SLC25A44: variants seen among roughly 807,000 people sequenced by gnomAD.
SLC25A44 encodes solute carrier family 25 member 44, also known as solute carrier family 25, member 44.
A neutral mutation model predicts 29.9 loss-of-function variants in SLC25A44; 17 were observed. The ratio of observed to expected loss-of-function variants is 0.57; its 90% CI spans 0.39 to 0.85. SLC25A44 has a LOEUF of 0.85. SLC25A44 is among the 40% of genes least tolerant of loss of function. SLC25A44 has a pLI of 0.00. For synonymous variants in SLC25A44, 140 were observed against 151.8 expected (o/e 0.92, Z 0.57); for missense variants, 302 against 398.4 (o/e 0.76, Z 2.06).
rs754531222 is a variant in SLC25A44, at chr1:156,200,141, G to A, written c.294G>A (p.Arg98=). ...QCYVTTYELT[R]KFVADYSQSN... is the part of the protein sequence containing the mutation. The stretch of plus-strand genomic sequence containing the variant: ...ATGTCACCACTTATGAGCTCACCCG[G>A]AAGTTTGTAGCTGACTACAGCCAGA... The change falls in exon 2 of 4, where the codon CGG becomes CGA. Residue 98 remains arginine (R), a synonymous_variant. Transcript: ENST00000359511. 1 of 1,614,146 alleles carries A rather than the reference G, an allele frequency of 6.2e-7. No individual in the cohort carries two copies. Among genetic ancestry groups the A allele is most frequent in the Admixed American group, 1.7e-5 (1 of 60,014 alleles).
At chr1:156,205,081 T>C (rs1656846548) in intron 2 of SLC25A44, among the ~76,000 whole-genome samples, 1 of 151,918 alleles carries the variant, frequency 6.6e-6, no homozygotes, top group Non-Finnish European at 1.5e-5. Flanking sequence ...TTCGCTCTTG[T>C]TGCCCAGGCT....
intron 2 of SLC25A44, among the ~76,000 whole-genome samples, chr1:156,206,795 A>G (rs1376045323): frequency 1.3e-5 from 2 of 152,194 alleles, no homozygotes; most frequent in African/African-American, 4.8e-5. Context: ...GGCCTCCCAA[A>G]GTGCTAGGAT....
Position 156,211,608 on chromosome 1 carries a change from A to G in SLC25A44, c.*1177A>G, listed in dbSNP as rs1391405609. ...CCCAGTCATGGTACCCTGTGGAGGA[A>G]TGCTGGAAGAACATAAAGAGCAGTT... is the stretch of plus-strand genomic sequence containing the variant. On this transcript the variant is annotated 3_prime_UTR_variant, in exon 4 of 4. Transcript: ENST00000359511. 1.3e-5 allele frequency: 2 copies of G among 152,618 alleles called. No homozygotes were observed. Among genetic ancestry groups the G allele is most frequent in the Non-Finnish European group, 2.9e-5 (2 of 68,054 alleles). 9.5% of individuals were successfully genotyped at this position (152,618 alleles called of 1,614,324 possible). A position where few individuals can be genotyped will look rare whatever the true frequency, so the allele number is the denominator to read the frequency against.
In SLC25A44 at chr1:156,207,943, C is replaced by G; in HGVS notation, c.683C>G (p.Ser228Trp). 1 of 1,614,046 alleles carries G rather than the reference C, an allele frequency of 6.2e-7. No individual in the cohort carries two copies. The highest frequency in any genetic ancestry group is 1.1e-5 in the South Asian group (1 of 91,084). The change falls in exon 3 of 4, where the codon TCG (serine) becomes TGG (tryptophan). Residue 228 changes from serine to tryptophan, a missense_variant. Transcript: ENST00000359511. Reference protein sequence around the residue: ...ECPHIVFQAVSGPLAAATASI... With the variant: ...ECPHIVFQAVWGPLAAATASI... ...CCTCACATTGTCTTTCAAGCTGTCT[C>G]GGGGCCCCTGGCTGCAGCCACTGCC...
At chr1:156,206,363 G>A (rs1402461222) in intron 2 of SLC25A44, among the ~76,000 whole-genome samples, 4 of 151,080 alleles carry the variant, frequency 2.6e-5, no homozygotes, top group Admixed American at 1.3e-4. Flanking sequence ...TCAGCCTCCC[G>A]AATAGCTGGG....
At chr1:156,202,315 T>C (rs1317225226) in intron 2 of SLC25A44, among the ~76,000 whole-genome samples, 1 of 152,230 alleles carries the variant, frequency 6.6e-6, no homozygotes, top group South Asian at 2.1e-4. Context: ...ACATCTCTAA[T>C]GGACTGACCT....
rs774825727 is a variant in SLC25A44 at position 156,200,494 on chromosome 1, G to T, written c.625+22G>T. 3.2e-6 allele frequency: 5 copies of T among 1,562,346 alleles called. No homozygotes were observed. In the African/African-American group the frequency reaches 4.1e-5, roughly 13 times the overall value. On this transcript the variant is annotated intron_variant, in intron 2 of 3. Transcript: ENST00000359511. ...GCAGGTAAGCAGGGGCCAGGACAGT[G>T]GGGGAGGAAGGTGGGATTTCTAATG... is the stretch of plus-strand genomic sequence containing the variant.
intron 1 of SLC25A44, chr1:156,196,758 C>G (rs1241631446): frequency 6.6e-6 from 1 of 152,234 alleles, no homozygotes; most frequent in Non-Finnish European, 1.5e-5. Context: ...CTTGGTTTCT[C>G]TGGAACAGAG....
At position 156,211,800 on chromosome 1, in the gene SLC25A44, TCA is replaced by T. The variant is rs946848422; in HGVS notation, c.*1370_*1371del. Reference sequence around the variant, plus strand: ...AGGTGCAGCAAATAGAGAAGGCATGTCAAACCCTGCATTTCTACCTGAGACGT... The same window carrying T: ...AGGTGCAGCAAATAGAGAAGGCATGTAACCCTGCATTTCTACCTGAGACGT... On this transcript the variant is annotated 3_prime_UTR_variant, in exon 4 of 4. Coordinates refer to ENST00000359511, the MANE Select transcript of SLC25A44 (RefSeq NM_014655.4). The T allele has an allele frequency of 3.3e-5, 5 of 150,194 alleles. No individual in the cohort carries two copies. Among genetic ancestry groups the T allele is most frequent in the African/African-American group, 7.3e-5 (3 of 41,094 alleles). The allele number at this position is 150,194 out of a possible 1,614,324, so 9.3% of individuals were successfully genotyped here. A position where few individuals can be genotyped will look rare whatever the true frequency, so the allele number is the denominator to read the frequency against.
intron 2 of SLC25A44, among the ~76,000 whole-genome samples, chr1:156,206,800 T>C (rs1323533239): frequency 1.3e-5 from 2 of 152,222 alleles, no homozygotes. Context: ...CCCAAAGTGC[T>C]AGGATTACAG....
At chr1:156,206,158 T>C (rs987789138) in intron 2 of SLC25A44, among the ~76,000 whole-genome samples, 1 of 152,168 alleles carries the variant, frequency 6.6e-6, no homozygotes, top group Non-Finnish European at 1.5e-5. Flanking sequence ...GGGTATGTAG[T>C]ATGCAACGAA....
intron 1 of SLC25A44, 186 bp from the exon 2 acceptor site, chr1:156,199,649 A>G (rs1656425894): frequency 3.3e-6 from 2 of 600,330 alleles, no homozygotes; most frequent in African/African-American, 1.9e-5. Flanking sequence ...AGGGGACAGT[A>G]TCCTGATCTA....
chr1:156,199,298 C>T (rs1472899499), intron 1 of SLC25A44: 2 of 156,678 alleles, frequency 1.3e-5, no homozygotes, highest in South Asian at 1.9e-4. Flanking sequence ...CCTCAGTAGG[C>T]CCAGGAGCAT....
intron 2 of SLC25A44, among the ~76,000 whole-genome samples, chr1:156,204,944 A>G (rs2103045748): frequency 6.6e-6 from 1 of 152,224 alleles, no homozygotes; most frequent in South Asian, 2.1e-4. Context: ...GAATTCTGCC[A>G]TCCCAGCTGA....
chr1:156,207,777 T>C, intron 2 of SLC25A44, 109 bp from the exon 3 acceptor site: 1 of 1,174,740 alleles, frequency 8.5e-7, no homozygotes, highest in Non-Finnish European at 1.2e-6. Context: ...TGGTGAAGGG[T>C]GGAGGGTTTG....
intron 2 of SLC25A44, among the ~76,000 whole-genome samples, chr1:156,204,639 G>A (rs1656816963): frequency 6.6e-6 from 1 of 151,514 alleles, no homozygotes; most frequent in South Asian, 2.1e-4. Flanking sequence ...GGCGCCTGCT[G>A]CCACACCCGG....
intron 2 of SLC25A44, among the ~76,000 whole-genome samples, chr1:156,205,138 G>C (rs1013881038): frequency 1.3e-5 from 2 of 151,976 alleles, no homozygotes; most frequent in South Asian, 4.2e-4. Flanking sequence ...CCACCTCCCG[G>C]GTTCAAGCGA....
rs919143059 is a variant in SLC25A44 at position 156,211,096 on chromosome 1, G to GTGTGTGTGTGTGTGTT, written c.*670_*671insGTGTGTGTGTTTGTGT. The GTGTGTGTGTGTGTGTT allele has an allele frequency of 6.6e-6, 1 of 152,250 alleles. No individual in the cohort carries two copies. Among genetic ancestry groups the GTGTGTGTGTGTGTGTT allele is most frequent in the African/African-American group, 2.5e-5 (1 of 39,820 alleles). The allele number at this position is 152,250 out of a possible 1,614,324, so 9.4% of individuals were successfully genotyped here. A position where few individuals can be genotyped will look rare whatever the true frequency, so the allele number is the denominator to read the frequency against. Reference sequence around the variant, plus strand: ...TGTGTGTGTGTGTGTGTGTGTGTGTGTGTGTTTTAACATCTGTGAACCAGG... The same window carrying GTGTGTGTGTGTGTGTT: ...TGTGTGTGTGTGTGTGTGTGTGTGTGTGTGTGTGTGTGTGTTTGTGTTTTAACATCTGTGAACCAGG... On this transcript the variant is annotated 3_prime_UTR_variant, in exon 4 of 4. Coordinates refer to ENST00000359511, the MANE Select transcript of SLC25A44 (RefSeq NM_014655.4).
Position 156,205,553 on chromosome 1 carries a change from C to T in SLC25A44, c.626-2333C>T, listed in dbSNP as rs891841475. ...TGCTTTGAAAGCTCTGTCTACAGAT[C>T]CATGTGGCTTGCACTGTCTCCTTCA... On this transcript the variant is annotated intron_variant, in intron 2 of 3. Transcript: ENST00000359511. 3.3e-5 allele frequency among the ~76,000 whole-genome samples: 5 copies of T among 152,124 alleles called. No individual in the cohort carries two copies. In the East Asian group the frequency reaches 9.6e-4, roughly 29 times the overall value.
Sources: allele counts gnomAD v4.1 joint callset (sites outside exome capture counted in the v4.1 genomes callset), GRCh38; gene constraint gnomAD v4.1.1; transcripts MANE v1.5; gene names NCBI Gene and HGNC (gene_info 2026-07-23, HGNC 2026-07-21).